The following ANKH variants were observed in gnomAD, a reference collection of about 807,000 sequenced individuals.
ANKH encodes ANKH inorganic pyrophosphate transport regulator, also known as mineralization regulator ANKH.
In ANKH, 15 loss-of-function variants were observed where a neutral mutation model predicts 49.0. The observed-to-expected ratio is 0.31, with a 90% CI of 0.20 to 0.47. ANKH has a LOEUF of 0.47. Ranked by LOEUF, ANKH falls within the 20% of genes least tolerant of loss-of-function variation. ANKH has a pLI of 1.00. For synonymous variants in ANKH, 273 were observed against 260.0 expected, an observed-to-expected ratio of 1.05 and a Z score of -0.48; for missense variants, 429 against 652.0, an observed-to-expected ratio of 0.66 and a Z score of 3.72.
At chr5:14,836,126 T>C (rs1009418660) in intron 1 of ANKH, among the ~76,000 whole-genome samples, 2 of 152,092 alleles carry the variant, frequency 1.3e-5, no homozygotes, top group African/African-American at 4.8e-5. Context: ...CTCAAAATAA[T>C]AAGAGCTATT....
chr5:14,714,062 G>A (rs1164344016), intron 9 of ANKH, among the ~76,000 whole-genome samples: 1 of 152,286 alleles, frequency 6.6e-6, no homozygotes, highest in Non-Finnish European at 1.5e-5. Context: ...TGCGTGAGCA[G>A]AAAAGCTGGC....
intron 1 of ANKH, among the ~76,000 whole-genome samples, chr5:14,826,614 A>G (rs1741349221): frequency 6.6e-6 from 1 of 152,236 alleles, no homozygotes; most frequent in South Asian, 2.1e-4. Context: ...ATTTTAGTAC[A>G]CAGCAAATGC....
intron 1 of ANKH, among the ~76,000 whole-genome samples, chr5:14,837,478 C>T (rs1277370446): frequency 1.3e-5 from 2 of 152,246 alleles, no homozygotes; most frequent in Non-Finnish European, 2.9e-5. Flanking sequence ...TGAACAAACA[C>T]TTCTCAAAAG....
intron 1 of ANKH, among the ~76,000 whole-genome samples, chr5:14,830,053 G>T (rs1205438706): frequency 6.6e-6 from 1 of 152,216 alleles, no homozygotes; most frequent in African/African-American, 2.4e-5. Flanking sequence ...ATGAATTGAT[G>T]TGAAGAAAGT....
intron 1 of ANKH, among the ~76,000 whole-genome samples, chr5:14,807,850 CG>C (rs1035329589): frequency 1.3e-5 from 2 of 151,866 alleles, no homozygotes; most frequent in Non-Finnish European, 2.9e-5. Flanking sequence ...GGTGAGAGGT[CG>C]GGGGGGTTAC....
chr5:14,771,969 A>C (rs868206099), intron 1 of ANKH, among the ~76,000 whole-genome samples: 11 of 151,002 alleles, frequency 7.3e-5, no homozygotes, highest in South Asian at 2.1e-4. Flanking sequence ...CAAAACAAAA[A>C]ACCGTTCCCA....
chr5:14,828,598 T>A (rs916806397), intron 1 of ANKH, among the ~76,000 whole-genome samples: 4 of 152,122 alleles, frequency 2.6e-5, no homozygotes, highest in Non-Finnish European at 5.9e-5. Flanking sequence ...TTCTTTTTTT[T>A]AATACCATAA....
At chr5:14,787,461 A>G (rs1165854875) in intron 1 of ANKH, among the ~76,000 whole-genome samples, 7 of 152,232 alleles carry the variant, frequency 4.6e-5, no homozygotes, top group Non-Finnish European at 1.0e-4. Flanking sequence ...GCAGAGATAT[A>G]GCTAGAGACT....
chr5:14,820,913 C>G (rs1580094234), intron 1 of ANKH, among the ~76,000 whole-genome samples: 1 of 152,148 alleles, frequency 6.6e-6, no homozygotes, highest in East Asian at 1.9e-4. Context: ...GCCTGGGCGA[C>G]ATGATAAAAC....
Position 14,725,619 on chromosome 5 carries a change from G to A in ANKH, c.1012-8784C>T, listed in dbSNP as rs1237840192. ...CTGTGAGTATTCCAGAAGGTTTCCT[G>A]GGACCGTATTCTAACAAAACGCTAG... is the stretch of plus-strand genomic sequence containing the variant. On this transcript the variant is annotated intron_variant, in intron 8 of 11. Coordinates refer to ENST00000284268, the MANE Select transcript of ANKH (RefSeq NM_054027.6). This position sits in a 1 kb window ranked among gnomAD's most constrained non-coding sequence, Gnocchi z 4.0. Among the ~76,000 whole-genome samples, 5 of 152,346 alleles carry A rather than the reference G, an allele frequency of 3.3e-5. No homozygotes were observed. In the South Asian group the frequency reaches 6.2e-4, roughly 19 times the overall value.
At chr5:14,845,029 GA>G (rs35839744) in intron 1 of ANKH, among the ~76,000 whole-genome samples, 8,691 of 113,778 alleles carry the variant, frequency 0.076, 683 homozygotes, top group African/African-American at 0.22. Context: ...AAGCGTGCAA[GA>G]AAAAAAAAAA....
chr5:14,735,100 T>C (rs1204645683), intron 8 of ANKH, among the ~76,000 whole-genome samples: 1 of 152,210 alleles, frequency 6.6e-6, no homozygotes, highest in Non-Finnish European at 1.5e-5. Flanking sequence ...CTAGTCCTGG[T>C]ACTTCTATCA....
intron 8 of ANKH, among the ~76,000 whole-genome samples, chr5:14,719,618 A>G (rs1458914819): frequency 1.3e-5 from 2 of 152,264 alleles, no homozygotes; most frequent in African/African-American, 4.8e-5. Flanking sequence ...GAAGGCTAAG[A>G]AAGATGATAA....
Position 14,713,506 on chromosome 5 carries a change from C to T in ANKH, c.1265+38G>A, listed in dbSNP as rs750793642. 7 of 1,612,864 alleles carry T rather than the reference C, an allele frequency of 4.3e-6. No individual in the cohort carries two copies. Among genetic ancestry groups the T allele is most frequent in the African/African-American group, 1.3e-5 (1 of 75,002 alleles). The stretch of plus-strand genomic sequence containing the variant: ...ACCTCTGGACACAGTATTGAAGTGG[C>T]AGAAGGACCCACAGCCCCAAACTCC... On this transcript the variant is annotated intron_variant, in intron 10 of 11. Coordinates refer to ENST00000284268, the MANE Select transcript of ANKH (RefSeq NM_054027.6). The surrounding 1 kb of genome is among the most constrained non-coding windows in gnomAD (Gnocchi z 4.4).
chr5:14,841,447 C>T (rs1741814296), intron 1 of ANKH, among the ~76,000 whole-genome samples: 1 of 152,028 alleles, frequency 6.6e-6, no homozygotes, highest in South Asian at 2.1e-4. Flanking sequence ...CAGGCATGTG[C>T]CCCAACGCCT....
intron 8 of ANKH, among the ~76,000 whole-genome samples, chr5:14,731,326 G>A (rs1036254731): frequency 8.5e-5 from 13 of 152,186 alleles, no homozygotes; most frequent in African/African-American, 1.7e-4. Flanking sequence ...CCATAAGAAC[G>A]TAAGAACCCC....
rs371814044 is a variant in ANKH, at chr5:14,808,010, A to G, written c.97-38819T>C. Among the ~76,000 whole-genome samples, 47 of 152,328 alleles carry G rather than the reference A, an allele frequency of 3.1e-4. 1 individual carries two copies. In the East Asian group the frequency reaches 6.7e-3, roughly 22 times the overall value. On this transcript the variant is annotated intron_variant, in intron 1 of 11. Coordinates refer to ENST00000284268, the MANE Select transcript of ANKH (RefSeq NM_054027.6). ...AATGTTATTGCTGGTCATTTATGAA[A>G]TTGTTTTGCAAAGAGTAACTTTTTC... is the stretch of plus-strand genomic sequence containing the variant.
At chr5:14,765,903 C>T (rs984365342) in intron 2 of ANKH, among the ~76,000 whole-genome samples, 3 of 152,172 alleles carry the variant, frequency 2.0e-5, no homozygotes, top group Non-Finnish European at 2.9e-5. Flanking sequence ...TGAAGAAGAC[C>T]CTCCAGGGAT....
chr5:14,734,189 C>T (rs576156321), intron 8 of ANKH, among the ~76,000 whole-genome samples: 2 of 152,268 alleles, frequency 1.3e-5, no homozygotes, highest in East Asian at 3.9e-4. Context: ...TTCTGATTAC[C>T]TGCTCCACCC....
Sources: gnomAD v4.1 joint callset for allele counts (sites outside exome capture counted in the v4.1 genomes callset) on GRCh38, gnomAD v4.1.1 for gene constraint, Gnocchi (gnomAD v3.1) non-coding constraint, MANE v1.5 for transcripts, NCBI Gene and HGNC (gene_info 2026-07-23, HGNC 2026-07-21) for gene names.